Variants in MYLK observed in about 807,000 individuals in gnomAD.
MYLK encodes the protein myosin light chain kinase, smooth muscle.
Under a neutral mutation model 203.4 loss-of-function variants are expected in MYLK, and 106 were observed. The observed-to-expected ratio is 0.52, with a 90% CI of 0.45 to 0.61. The LOEUF is 0.61. Among genes scored for constraint, MYLK ranks in the 20% least tolerant of loss-of-function variants. The pLI, the probability that MYLK is intolerant of heterozygous loss-of-function variation, is 0.00. For synonymous variants in MYLK, 867 were observed against 959.5 expected (o/e 0.90, Z 1.78); for missense variants, 2,072 against 2,442.3 (o/e 0.85, Z 3.20).
At chr3:123,833,048 G>C (rs1009539652) in intron 2 of MYLK, among the ~76,000 whole-genome samples, 1 of 151,840 alleles carries the variant, frequency 6.6e-6, no homozygotes, top group South Asian at 2.1e-4. Flanking sequence ...GGCTCTCAAA[G>C]AAGGGGCAGG....
At position 123,640,172 on chromosome 3, in the gene MYLK, C is replaced by A. The variant is rs146874490; in HGVS notation, c.4837+115G>T. ...GGGGCAGGATTCAAACCTGGGAAGT[C>A]TTCATGGTCTCGGATTTAACCCCAA... is the stretch of plus-strand genomic sequence containing the variant. On this transcript the variant is annotated intron_variant, in intron 28 of 33. Coordinates refer to ENST00000360304, the MANE Select transcript of MYLK (RefSeq NM_053025.4). The surrounding 1 kb of genome is among the most constrained non-coding windows in gnomAD (Gnocchi z 4.3). 253 of 991,082 alleles carry A rather than the reference C, an allele frequency of 2.6e-4. No homozygotes were observed. In the African/African-American group the frequency reaches 3.4e-3, roughly 13 times the overall value. 61.4% of individuals were successfully genotyped at this position (991,082 alleles called of 1,614,324 possible).
At chr3:123,711,421 G>A (rs1297646884) in intron 13 of MYLK, among the ~76,000 whole-genome samples, 2 of 152,140 alleles carry the variant, frequency 1.3e-5, no homozygotes, top group African/African-American at 4.8e-5. Flanking sequence ...GGAGTGTGTC[G>A]GCAAGTCAAG....
chr3:123,754,019 G>C (rs1418827136), intron 4 of MYLK, among the ~76,000 whole-genome samples: 1 of 152,160 alleles, frequency 6.6e-6, no homozygotes, highest in African/African-American at 2.4e-5. Flanking sequence ...TGCTATATTG[G>C]CGCATGTGCA....
At chr3:123,676,453 A>AG (rs1325633986) in intron 20 of MYLK, among the ~76,000 whole-genome samples, 1 of 152,250 alleles carries the variant, frequency 6.6e-6, no homozygotes, top group East Asian at 1.9e-4. Context: ...GTTTAAAAAA[A>AG]AGATTTGATC....
chr3:123,789,659 CAAAAAA>C (rs745766578), intron 4 of MYLK, among the ~76,000 whole-genome samples: 3 of 78,716 alleles, frequency 3.8e-5, no homozygotes, highest in Non-Finnish European at 7.6e-5. Context: ...GCTGGCAAAG[CAAAAAA>C]AAAAAAAAAA....
rs138407758 is a variant in MYLK, at chr3:123,716,790, G to T, written c.1804+5338C>A. Among the ~76,000 whole-genome samples the T allele has an allele frequency of 4.0e-3, 602 of 152,302 alleles. 3 individuals carry two copies. The highest frequency in any genetic ancestry group is 6.6e-3 in the Non-Finnish European group (450 of 68,030). The stretch of plus-strand genomic sequence containing the variant: ...TAATTATGACTGACTATGGGCTGTA[G>T]AGGTGGAGAGTTATAAAGCTCTATA... On this transcript the variant is annotated intron_variant, in intron 13 of 33. Transcript: ENST00000360304.
chr3:123,850,333 T>C (rs1012261784), intron 2 of MYLK, among the ~76,000 whole-genome samples: 1 of 152,214 alleles, frequency 6.6e-6, no homozygotes, highest in African/African-American at 2.4e-5. Context: ...TCTTCCACAA[T>C]GGTTGAACTA....
intron 3 of MYLK, among the ~76,000 whole-genome samples, chr3:123,802,386 C>T (rs888782874): frequency 6.6e-6 from 1 of 152,246 alleles, no homozygotes; most frequent in Non-Finnish European, 1.5e-5. Flanking sequence ...CCATGGCTTC[C>T]TGGGCCTTTC....
chr3:123,803,210 G>T (rs772425518), intron 3 of MYLK, among the ~76,000 whole-genome samples: 10 of 152,210 alleles, frequency 6.6e-5, no homozygotes, highest in Non-Finnish European at 1.2e-4. Context: ...CTGCAAGATT[G>T]TTACGAGGGT....
intron 4 of MYLK, among the ~76,000 whole-genome samples, chr3:123,766,890 C>A (rs2063721857): frequency 6.6e-6 from 1 of 152,212 alleles, no homozygotes; most frequent in Non-Finnish European, 1.5e-5. Context: ...TGTGAGCAAA[C>A]CTTGCCTGCG....
At chr3:123,833,519 T>C (rs569442508) in intron 2 of MYLK, among the ~76,000 whole-genome samples, 3 of 44,418 alleles carry the variant, frequency 6.8e-5, no homozygotes, top group Admixed American at 5.9e-4. Context: ...CTCAGTTCCC[T>C]ACCCTGCCCC....
chr3:123,780,591 C>A (rs750198133), intron 4 of MYLK, among the ~76,000 whole-genome samples: 1 of 152,190 alleles, frequency 6.6e-6, no homozygotes, highest in Non-Finnish European at 1.5e-5. Flanking sequence ...AAGACCCAAG[C>A]ACATGATACC....
chr3:123,692,833 G>T lies in MYLK; in HGVS notation c.3467C>A (p.Ser1156Tyr). The change falls in exon 19 of 34, where the codon TCC becomes TAC. Residue 1156 changes from serine to tyrosine, a missense_variant. Ser to Tyr is a moderately radical substitution (Grantham distance 144). This residue lies in a region of MYLK where 865 missense variants were observed against 1,016.0 expected (regional missense o/e 0.85). Transcript: ENST00000360304. ...LSQEGSLCSVSIEKALPEDRG... is the reference protein window; with the variant it reads ...LSQEGSLCSVYIEKALPEDRG... ...GTCCTCAGGCAGTGCCTTCTCGATGGAGACGGAGCAGAGTGAGCCTGGGGA... is the reference window on the plus strand; with the variant it reads ...GTCCTCAGGCAGTGCCTTCTCGATGTAGACGGAGCAGAGTGAGCCTGGGGA... 6.2e-7 allele frequency: 1 copy of T among 1,614,068 alleles called. No homozygotes were observed.
intron 29 of MYLK, among the ~76,000 whole-genome samples, chr3:123,631,712 AT>A (rs1015911160): frequency 6.6e-6 from 1 of 151,430 alleles, no homozygotes; most frequent in Non-Finnish European, 1.5e-5. Flanking sequence ...TGTGGATGGG[AT>A]TTTTTTTTAA....
intron 3 of MYLK, among the ~76,000 whole-genome samples, chr3:123,799,394 A>G (rs1192112110): frequency 6.6e-6 from 1 of 152,204 alleles, no homozygotes; most frequent in Non-Finnish European, 1.5e-5. Context: ...AATGACTCAG[A>G]AAAAAAGTTT....
At chr3:123,866,823 C>T (rs148212421) in intron 2 of MYLK, among the ~76,000 whole-genome samples, 65 of 152,222 alleles carry the variant, frequency 4.3e-4, no homozygotes, top group Middle Eastern at 6.8e-3. Flanking sequence ...TTATATAATG[C>T]CAAACAGAAA....
intron 4 of MYLK, among the ~76,000 whole-genome samples, chr3:123,787,527 C>T (rs1030166909): frequency 6.6e-6 from 1 of 152,138 alleles, no homozygotes; most frequent in Non-Finnish European, 1.5e-5. Flanking sequence ...ATATGGCAGG[C>T]ATTCATCTTA....
At chr3:123,627,072 C>T (rs2058183730) in intron 30 of MYLK, 131 bp from the exon 31 acceptor site, 5 of 987,230 alleles carry the variant, frequency 5.1e-6, no homozygotes, top group Non-Finnish European at 7.8e-6. Context: ...CCCGGACCAT[C>T]CACCGTGATC....
At chr3:123,789,438 A>C (rs1421842903) in intron 4 of MYLK, among the ~76,000 whole-genome samples, 1 of 152,048 alleles carries the variant, frequency 6.6e-6, no homozygotes, top group Non-Finnish European at 1.5e-5. Flanking sequence ...CTGGGTGCCC[A>C]GCACATGGGG....
Sources: allele counts gnomAD v4.1 joint callset (sites outside exome capture counted in the v4.1 genomes callset), GRCh38; gene constraint gnomAD v4.1.1; regional missense constraint gnomAD v4.1.1; non-coding constraint Gnocchi (gnomAD v3.1); transcripts MANE v1.5; gene names NCBI Gene and HGNC (gene_info 2026-07-23, HGNC 2026-07-21).